The following GLTP variants were observed in gnomAD, a reference collection of about 807,000 sequenced individuals.
GLTP encodes the protein glycolipid transfer protein.
GLTP carries 22 observed loss-of-function variants against 24.0 expected under a neutral mutation model. The ratio of observed to expected loss-of-function variants is 0.92; its 90% CI spans 0.65 to 1.31. The LOEUF (loss-of-function observed/expected upper bound fraction) is 1.31. Ranked by LOEUF, GLTP falls within the 50% of genes most tolerant of loss-of-function variation. GLTP has a pLI of 0.00. For synonymous variants in GLTP, 92 were observed against 115.9 expected, an observed-to-expected ratio of 0.79 and a Z score of 1.33; for missense variants, 224 against 276.6, an observed-to-expected ratio of 0.81 and a Z score of 1.35.
chr12:109,869,456 CT>C (rs1218490016), intron 1 of GLTP, among the ~76,000 whole-genome samples: 69 of 115,042 alleles, frequency 6.0e-4, no homozygotes, highest in East Asian at 9.4e-4. Flanking sequence ...TGGGAAAATT[CT>C]TTTTTTTTTT....
chr12:109,852,600 G>A lies in GLTP; in HGVS notation c.585C>T (p.Tyr195=), dbSNP rs541295320. ...CAGCGTTCATCTGGGTGTACATCTC[G>A]TAGATGACATCGATGGTCGCCGTGT... is the stretch of plus-strand genomic sequence containing the variant. ...VNYTATIDVI[Y]EMYTQMNAEL... The change falls in exon 5 of 5, where the codon TAC becomes TAT. Residue 195 remains tyrosine (Y), a synonymous_variant. Coordinates refer to ENST00000318348, the MANE Select transcript of GLTP (RefSeq NM_016433.4). 1.9e-5 allele frequency: 30 copies of A among 1,609,190 alleles called. No homozygotes were observed. Among genetic ancestry groups the A allele is most frequent in the South Asian group, 1.5e-4 (14 of 90,986 alleles).
chr12:109,870,813 A>G (rs1868696702), intron 1 of GLTP, among the ~76,000 whole-genome samples: 1 of 152,178 alleles, frequency 6.6e-6, no homozygotes, highest in South Asian at 2.1e-4. Flanking sequence ...GCAAGGCAGA[A>G]AATGAATCAT....
intron 1 of GLTP, among the ~76,000 whole-genome samples, chr12:109,868,494 C>T (rs1371366837): frequency 6.6e-6 from 1 of 152,174 alleles, no homozygotes; most frequent in African/African-American, 2.4e-5. Context: ...CCAAATTGCC[C>T]TGCCCTGGCC....
chr12:109,857,459 A>G lies in GLTP; in HGVS notation c.296+67T>C. 1 of 1,550,696 alleles carries G rather than the reference A, an allele frequency of 6.4e-7. No homozygotes were observed. Among genetic ancestry groups the G allele is most frequent in the Non-Finnish European group, 8.9e-7 (1 of 1,129,460 alleles). The stretch of plus-strand genomic sequence containing the variant: ...TCCCAGCCTGAGCTGACACTGCGGA[A>G]CAGTGACAGGTTTGCTTTCCCTCCT... On this transcript the variant is annotated intron_variant, in intron 3 of 4. Transcript: ENST00000318348. This position sits in a 1 kb window ranked among gnomAD's most constrained non-coding sequence, Gnocchi z 4.3.
At chr12:109,853,842 A>C (rs889168471) in intron 4 of GLTP, among the ~76,000 whole-genome samples, 2 of 151,348 alleles carry the variant, frequency 1.3e-5, no homozygotes, top group Non-Finnish European at 2.9e-5. Flanking sequence ...TACTGGGTTC[A>C]AGTGATTCTC....
rs978349464 is a variant in GLTP, at chr12:109,858,534, G to A, written c.162+149C>T. 3.0e-5 allele frequency: 21 copies of A among 692,314 alleles called. No individual in the cohort carries two copies. The African/African-American group carries it at 3.4e-4, about 11-fold the overall frequency. The allele number at this position is 692,314 out of a possible 1,614,324, so 42.9% of individuals were successfully genotyped here. The stretch of plus-strand genomic sequence containing the variant: ...AGGAGGGCAGAGAACATTGAGCCCT[G>A]ATTGGACAAGCTTGGGGCCCATCTT... On this transcript the variant is annotated intron_variant, in intron 2 of 4. Coordinates refer to ENST00000318348, the MANE Select transcript of GLTP (RefSeq NM_016433.4).
intron 1 of GLTP, among the ~76,000 whole-genome samples, chr12:109,867,999 G>T (rs565977815): frequency 6.6e-6 from 1 of 152,246 alleles, no homozygotes; most frequent in African/African-American, 2.4e-5. Context: ...GGATGGTCGC[G>T]ATCTCCTGAC....
At chr12:109,860,964 T>C (rs1446135246) in intron 1 of GLTP, among the ~76,000 whole-genome samples, 1 of 152,206 alleles carries the variant, frequency 6.6e-6, no homozygotes, top group East Asian at 1.9e-4. Flanking sequence ...CATGACACCT[T>C]TTCATTGTCC....
At chr12:109,863,449 C>T (rs1868426758) in intron 1 of GLTP, among the ~76,000 whole-genome samples, 1 of 152,190 alleles carries the variant, frequency 6.6e-6, no homozygotes, top group African/African-American at 2.4e-5. Flanking sequence ...CAGCACCCAG[C>T]AGATGCCTGA....
chr12:109,876,241 GC>G (rs1468571689), intron 1 of GLTP, among the ~76,000 whole-genome samples: 7 of 152,264 alleles, frequency 4.6e-5, no homozygotes, highest in Admixed American at 2.0e-4. Context: ...TACTTGGGAG[GC>G]CGAGGCATGA....
intron 1 of GLTP, among the ~76,000 whole-genome samples, chr12:109,871,153 G>A (rs919725215): frequency 1.0e-4 from 14 of 139,538 alleles, no homozygotes; most frequent in Admixed American, 8.1e-4. Context: ...GCGTGATCTC[G>A]ACTCACTGTA....
chr12:109,857,324 A>G lies in GLTP; in HGVS notation c.296+202T>C, dbSNP rs1347449417. Among the ~76,000 whole-genome samples, 1 of 152,168 alleles carries G rather than the reference A, an allele frequency of 6.6e-6. No homozygotes were observed. The highest frequency in any genetic ancestry group is 2.4e-5 in the African/African-American group (1 of 41,438). ...CTCCCAGATCAGGGTGTGCTCATATACTGATGGGACTGGAACCAGGAAGCA... is the reference window on the plus strand; with the variant it reads ...CTCCCAGATCAGGGTGTGCTCATATGCTGATGGGACTGGAACCAGGAAGCA... On this transcript the variant is annotated intron_variant, in intron 3 of 4. Transcript: ENST00000318348. This position sits in a 1 kb window ranked among gnomAD's most constrained non-coding sequence, Gnocchi z 4.3.
In GLTP at chr12:109,857,420, C is replaced by T; in HGVS notation, c.296+106G>A. 7.7e-7 allele frequency: 1 copy of T among 1,299,360 alleles called. No homozygotes were observed. Among genetic ancestry groups the T allele is most frequent in the Non-Finnish European group, 1.1e-6 (1 of 926,016 alleles). 80.5% of individuals were successfully genotyped at this position (1,299,360 alleles called of 1,614,324 possible). On this transcript the variant is annotated intron_variant, in intron 3 of 4. Coordinates refer to ENST00000318348, the MANE Select transcript of GLTP (RefSeq NM_016433.4). The surrounding 1 kb of genome is among the most constrained non-coding windows in gnomAD (Gnocchi z 4.3). Reference sequence around the variant, plus strand: ...ATTAACTAGCATCACACTGGAAGGGCTCGGAAGTGACCTTCCCAGCCTGAG... The same window carrying T: ...ATTAACTAGCATCACACTGGAAGGGTTCGGAAGTGACCTTCCCAGCCTGAG...
chr12:109,871,548 G>C (rs1254457537), intron 1 of GLTP, among the ~76,000 whole-genome samples: 3 of 152,152 alleles, frequency 2.0e-5, no homozygotes, highest in Non-Finnish European at 2.9e-5. Context: ...CCCTGTTACA[G>C]GGCTAGACCT....
At chr12:109,854,923 C>T (rs1690378422) in intron 4 of GLTP, among the ~76,000 whole-genome samples, 1 of 152,366 alleles carries the variant, frequency 6.6e-6, no homozygotes, top group Admixed American at 6.5e-5. Flanking sequence ...GTCAGCCCCT[C>T]GTTCTCATGG....
chr12:109,872,656 C>T (rs1030769081), intron 1 of GLTP, among the ~76,000 whole-genome samples: 1 of 152,218 alleles, frequency 6.6e-6, no homozygotes, highest in African/African-American at 2.4e-5. Context: ...AAAAAAGCCT[C>T]ACTTACTACT....
At chr12:109,866,454 T>G (rs1371279249) in intron 1 of GLTP, 1 of 152,210 alleles carries the variant, frequency 6.6e-6, no homozygotes, top group Non-Finnish European at 1.5e-5. Flanking sequence ...CAAGTGATCT[T>G]CCTGCCTCAG....
At chr12:109,853,806 G>A (rs1235833589) in intron 4 of GLTP, among the ~76,000 whole-genome samples, 1 of 151,458 alleles carries the variant, frequency 6.6e-6, no homozygotes, top group African/African-American at 2.4e-5. Flanking sequence ...TCAGTGGCGT[G>A]ATCTTGGTTC....
intron 1 of GLTP, among the ~76,000 whole-genome samples, chr12:109,870,678 T>A (rs772125863): frequency 2.0e-5 from 3 of 152,092 alleles, no homozygotes; most frequent in Non-Finnish European, 2.9e-5. Flanking sequence ...TATTGACTCA[T>A]TGATTGATTG....
Sources: gnomAD v4.1 joint callset for allele counts (sites outside exome capture counted in the v4.1 genomes callset) on GRCh38, gnomAD v4.1.1 for gene constraint, Gnocchi (gnomAD v3.1) non-coding constraint, MANE v1.5 for transcripts, NCBI Gene and HGNC (gene_info 2026-07-23, HGNC 2026-07-21) for gene names.